Variants in LRRC4C observed in about 807,000 individuals in gnomAD.
The protein encoded by LRRC4C is leucine rich repeat containing 4C.
Under a neutral mutation model 33.6 loss-of-function variants are expected in LRRC4C, and 5 were observed. The ratio of observed to expected loss-of-function variants is 0.15; its 90% CI spans 0.08 to 0.31. The LOEUF is 0.31. LRRC4C is among the 10% of genes least tolerant of loss of function. The pLI is 1.00. For missense variants in LRRC4C, 560 were observed against 796.7 expected (o/e 0.70, Z 3.58); for synonymous variants, 329 against 302.0 (o/e 1.09, Z -0.93).
intron 2 of LRRC4C, among the ~76,000 whole-genome samples, chr11:40,817,457 G>A (rs781466327): frequency 2.0e-5 from 3 of 152,100 alleles, no homozygotes; most frequent in Non-Finnish European, 4.4e-5. Flanking sequence ...GCATCATAAC[G>A]GTTATTCTGG....
chr11:40,583,499 A>G (rs1486694160), intron 3 of LRRC4C, among the ~76,000 whole-genome samples: 4 of 151,960 alleles, frequency 2.6e-5, no homozygotes, highest in Non-Finnish European at 5.9e-5. Context: ...CTTGCCCCTA[A>G]CCATCTTCCT....
intron 2 of LRRC4C, among the ~76,000 whole-genome samples, chr11:40,886,322 C>T (rs997613368): frequency 8.6e-5 from 13 of 151,496 alleles, no homozygotes. Context: ...ATCTACTTCT[C>T]AACTGGAGAA....
chr11:40,795,372 CA>C (rs549726676), intron 2 of LRRC4C, among the ~76,000 whole-genome samples: 1 of 151,306 alleles, frequency 6.6e-6, no homozygotes, highest in Admixed American at 6.6e-5. Flanking sequence ...ATTAAAAATA[CA>C]AAAAAAATTA....
intron 2 of LRRC4C, among the ~76,000 whole-genome samples, chr11:40,886,787 C>A (rs77687801): frequency 0.031 from 4,644 of 151,674 alleles, 270 homozygotes; most frequent in African/African-American, 0.1. Flanking sequence ...CATAAATTAG[C>A]CTTGTTTGCT....
chr11:40,316,468 A>G (rs187912701), intron 4 of LRRC4C, among the ~76,000 whole-genome samples: 180 of 152,070 alleles, frequency 1.2e-3, no homozygotes, highest in African/African-American at 4.1e-3. Context: ...TACTAGCAAA[A>G]AGAAGACAGA....
intron 2 of LRRC4C, among the ~76,000 whole-genome samples, chr11:40,687,987 AC>A (rs1320385468): frequency 8.3e-6 from 1 of 120,380 alleles, no homozygotes; most frequent in Non-Finnish European, 2.0e-5. Context: ...TGCTTTACAG[AC>A]TTTTTTTTTT....
At chr11:40,493,851 C>T (rs1011872742) in intron 3 of LRRC4C, among the ~76,000 whole-genome samples, 17 of 152,078 alleles carry the variant, frequency 1.1e-4, no homozygotes, top group African/African-American at 4.1e-4. Context: ...TCTCTCTCAG[C>T]CCCCCTAAAT....
At chr11:41,443,392 C>T (rs917084257) in intron 1 of LRRC4C, among the ~76,000 whole-genome samples, 42 of 151,878 alleles carry the variant, frequency 2.8e-4, no homozygotes, top group African/African-American at 1.0e-3. Flanking sequence ...GCCTGTAGCC[C>T]CAGCTACTTG....
At chr11:40,506,630 T>A (rs1291764084) in intron 3 of LRRC4C, among the ~76,000 whole-genome samples, 2 of 150,642 alleles carry the variant, frequency 1.3e-5, no homozygotes, top group Admixed American at 1.3e-4. Flanking sequence ...AACTGCTTTT[T>A]ATTCTCATCT....
intron 2 of LRRC4C, among the ~76,000 whole-genome samples, chr11:40,918,380 A>G (rs1957046893): frequency 7.1e-6 from 1 of 141,356 alleles, no homozygotes; most frequent in Admixed American, 6.8e-5. Flanking sequence ...GCATATTTAT[A>G]TATTTATATT....
chr11:40,500,240 TA>T (rs1389578729), intron 3 of LRRC4C, among the ~76,000 whole-genome samples: 7 of 142,942 alleles, frequency 4.9e-5, no homozygotes, highest in African/African-American at 1.8e-4. Context: ...AGAATTAAGG[TA>T]AAGTATCTAG....
At chr11:40,740,255 G>T (rs1167910169) in intron 2 of LRRC4C, among the ~76,000 whole-genome samples, 1 of 151,592 alleles carries the variant, frequency 6.6e-6, no homozygotes, top group Non-Finnish European at 1.5e-5. Context: ...TTCCATAATG[G>T]TTTTAGCAAT....
intron 5 of LRRC4C, among the ~76,000 whole-genome samples, chr11:40,213,415 G>A (rs1863750841): frequency 6.6e-6 from 1 of 152,062 alleles, no homozygotes; most frequent in Non-Finnish European, 1.5e-5. Context: ...CAAAATGTTG[G>A]GAACTACTGG....
chr11:40,916,048 C>T (rs1956943689), intron 2 of LRRC4C, among the ~76,000 whole-genome samples: 1 of 152,152 alleles, frequency 6.6e-6, no homozygotes, highest in African/African-American at 2.4e-5. Flanking sequence ...CAGGAAACAA[C>T]AGGTGCTGGA....
chr11:41,383,939 T>C (rs1383410820), intron 1 of LRRC4C, among the ~76,000 whole-genome samples: 1 of 151,976 alleles, frequency 6.6e-6, no homozygotes, highest in East Asian at 1.9e-4. Context: ...GTGAAATGTT[T>C]CGATGAAAAT....
chr11:40,537,917 C>T (rs1375452818), intron 3 of LRRC4C, among the ~76,000 whole-genome samples: 5 of 152,126 alleles, frequency 3.3e-5, no homozygotes, highest in African/African-American at 1.2e-4. Flanking sequence ...GCATAGCCAT[C>T]AACTTGAGAG....
At chr11:40,270,620 A>G (rs1241044715) in intron 4 of LRRC4C, among the ~76,000 whole-genome samples, 3 of 151,972 alleles carry the variant, frequency 2.0e-5, no homozygotes, top group Non-Finnish European at 4.4e-5. Flanking sequence ...ATCCTCTTCT[A>G]TTTTATTCAC....
chr11:40,154,675 A>C (rs951428589), intron 5 of LRRC4C, among the ~76,000 whole-genome samples: 3 of 152,170 alleles, frequency 2.0e-5, no homozygotes, highest in East Asian at 1.9e-4. Context: ...ACATATATGC[A>C]CCTAACACTG....
At chr11:41,069,165 A>G (rs759485440) in intron 1 of LRRC4C, among the ~76,000 whole-genome samples, 7 of 152,190 alleles carry the variant, frequency 4.6e-5, no homozygotes, top group Non-Finnish European at 1.0e-4. Flanking sequence ...CCAATGACAA[A>G]AAACACTTGA....
Sources: allele counts gnomAD v4.1 joint callset (sites outside exome capture counted in the v4.1 genomes callset), GRCh38; gene constraint gnomAD v4.1.1; transcripts MANE v1.5; gene names NCBI Gene and HGNC (gene_info 2026-07-23, HGNC 2026-07-21).